PPARGC1A: variants seen among roughly 807,000 people sequenced by gnomAD.
PPARGC1A encodes peroxisome proliferator-activated receptor gamma coactivator 1-alpha.
A neutral mutation model predicts 88.7 loss-of-function variants in PPARGC1A; 25 were observed. The ratio of observed to expected loss-of-function variants is 0.28; its 90% CI spans 0.21 to 0.39. PPARGC1A has a LOEUF of 0.39. PPARGC1A is among the 10% of genes least tolerant of loss of function. The probability of loss-of-function intolerance (pLI) is 1.00; values close to 1 mark genes in which losing one functional copy is unlikely to be tolerated. For missense variants in PPARGC1A, 880 were observed against 968.7 expected (o/e 0.91, Z 1.22); for synonymous variants, 363 against 355.6 (o/e 1.02, Z -0.24).
the PPARGC1A span, among the ~76,000 whole-genome samples, chr4:24,157,033 A>T: frequency 6.6e-6 from 1 of 152,190 alleles, no homozygotes; most frequent in Non-Finnish European, 1.5e-5. Flanking sequence ...ATTCAAGGAT[A>T]CCACATAGAG....
At chr4:24,343,535 T>C in the PPARGC1A span, among the ~76,000 whole-genome samples, 54,694 of 152,000 alleles carry the variant, frequency 0.36, 10,209 homozygotes, top group South Asian at 0.41. Context: ...TGATCCTAGA[T>C]TTCTGAGGCT....
the PPARGC1A span, among the ~76,000 whole-genome samples, chr4:24,051,939 A>C: frequency 1.1e-4 from 16 of 151,394 alleles, 1 homozygote; most frequent in South Asian, 2.3e-3. Context: ...TTTGCACAAA[A>C]AAAAAAAAAA....
the PPARGC1A span, among the ~76,000 whole-genome samples, chr4:24,155,396 G>C: frequency 2.6e-5 from 4 of 151,744 alleles, no homozygotes; most frequent in African/African-American, 9.7e-5. Context: ...GCCGAGGTGG[G>C]TGAACAGCTT....
chr4:24,398,012 T>C, the PPARGC1A span, among the ~76,000 whole-genome samples: 2 of 152,174 alleles, frequency 1.3e-5, no homozygotes, highest in Non-Finnish European at 2.9e-5. Flanking sequence ...CTGAAAAAAG[T>C]GACACTGCCA....
At chr4:23,809,559 G>T (rs1720485154) in intron 10 of PPARGC1A, among the ~76,000 whole-genome samples, 1 of 152,020 alleles carries the variant, frequency 6.6e-6, no homozygotes, top group African/African-American at 2.4e-5. Flanking sequence ...ATACAATGCA[G>T]TATGTCATGT....
chr4:24,307,570 C>T, the PPARGC1A span, among the ~76,000 whole-genome samples: 1 of 152,010 alleles, frequency 6.6e-6, no homozygotes, highest in African/African-American at 2.4e-5. Flanking sequence ...TAAGAGGAGG[C>T]AAGGAAGAAT....
At chr4:24,392,793 C>A in the PPARGC1A span, among the ~76,000 whole-genome samples, 8 of 152,110 alleles carry the variant, frequency 5.3e-5, no homozygotes, top group Admixed American at 1.3e-4. Flanking sequence ...TTCCCGTTGC[C>A]TCAGCGCGCA....
chr4:24,143,008 T>C, the PPARGC1A span, among the ~76,000 whole-genome samples: 1 of 152,128 alleles, frequency 6.6e-6, no homozygotes, highest in Non-Finnish European at 1.5e-5. Flanking sequence ...GAGCAAAATA[T>C]GTTATTATTA....
At chr4:24,038,798 G>T in the PPARGC1A span, among the ~76,000 whole-genome samples, 2 of 152,194 alleles carry the variant, frequency 1.3e-5, no homozygotes, top group Non-Finnish European at 2.9e-5. Context: ...CTTTGTAAGT[G>T]CATACCAGAC....
At chr4:24,289,144 C>T in the PPARGC1A span, among the ~76,000 whole-genome samples, 15 of 142,588 alleles carry the variant, frequency 1.1e-4, no homozygotes, top group African/African-American at 3.4e-4. Context: ...CGCTTGAACC[C>T]GGGAGGCGGA....
chr4:24,159,195 A>T, the PPARGC1A span, among the ~76,000 whole-genome samples: 1 of 151,034 alleles, frequency 6.6e-6, no homozygotes, highest in Non-Finnish European at 1.5e-5. Context: ...CTAAGGATCA[A>T]GGAAATTAAC....
chr4:24,066,490 G>A, the PPARGC1A span, among the ~76,000 whole-genome samples: 1 of 152,116 alleles, frequency 6.6e-6, no homozygotes, highest in Non-Finnish European at 1.5e-5. Context: ...TGTTAATGCA[G>A]CCCTCTGTCC....
At chr4:23,928,772 A>AC in the PPARGC1A span, among the ~76,000 whole-genome samples, 5 of 810 alleles carry the variant, frequency 6.2e-3, no homozygotes, top group Non-Finnish European at 0.021. Flanking sequence ...AAAAAAAACA[A>AC]AAAAAAACAA....
At chr4:23,936,734 C>G in the PPARGC1A span, among the ~76,000 whole-genome samples, 1 of 152,014 alleles carries the variant, frequency 6.6e-6, no homozygotes, top group African/African-American at 2.4e-5. Flanking sequence ...AACTAGGCGT[C>G]TTGGTGCGTG....
At chr4:24,076,359 C>A in the PPARGC1A span, among the ~76,000 whole-genome samples, 3 of 152,134 alleles carry the variant, frequency 2.0e-5, no homozygotes, top group Non-Finnish European at 4.4e-5. Context: ...ACAAAGCCAG[C>A]CCACTCGAAT....
chr4:24,231,576 A>G, the PPARGC1A span, among the ~76,000 whole-genome samples: 1 of 152,218 alleles, frequency 6.6e-6, no homozygotes, highest in South Asian at 2.1e-4. Flanking sequence ...GGTTTCCGGA[A>G]GGGCAACTCT....
At chr4:24,342,864 T>C in the PPARGC1A span, among the ~76,000 whole-genome samples, 1 of 152,180 alleles carries the variant, frequency 6.6e-6, no homozygotes, top group Non-Finnish European at 1.5e-5. Flanking sequence ...AGCTCCTGAC[T>C]TCCTGAAGAT....
At chr4:24,200,647 T>G in the PPARGC1A span, among the ~76,000 whole-genome samples, 1 of 10,138 alleles carries the variant, frequency 9.9e-5, no homozygotes, top group Admixed American at 2.2e-3. Flanking sequence ...AATGTTTTAT[T>G]TATTAAGCAA....
chr4:24,179,665 G>A, the PPARGC1A span, among the ~76,000 whole-genome samples: 1 of 152,124 alleles, frequency 6.6e-6, no homozygotes, highest in African/African-American at 2.4e-5. Flanking sequence ...ACCCAGATGA[G>A]ACAAGCCCAA....
Sources: gnomAD v4.1 joint callset for allele counts (sites outside exome capture counted in the v4.1 genomes callset) on GRCh38, gnomAD v4.1.1 for gene constraint, MANE v1.5 for transcripts, NCBI Gene and HGNC (gene_info 2026-07-23, HGNC 2026-07-21) for gene names.